UNC5C: variants seen among roughly 807,000 people sequenced by gnomAD.
The protein encoded by UNC5C is netrin receptor UNC5C.
A neutral mutation model predicts 99.8 loss-of-function variants in UNC5C; 47 were observed. The observed-to-expected ratio is 0.47, with a 90% CI of 0.37 to 0.60. The LOEUF (loss-of-function observed/expected upper bound fraction) is 0.60, where lower values mean the gene tolerates loss of function less well. Among genes scored for constraint, UNC5C ranks in the 20% least tolerant of loss-of-function variants. The pLI, the probability that UNC5C is intolerant of heterozygous loss-of-function variation, is 0.00. For synonymous variants in UNC5C, 487 were observed against 452.2 expected (o/e 1.08, Z -0.98); for missense variants, 1,062 against 1,165.9 (o/e 0.91, Z 1.30).
intron 1 of UNC5C, among the ~76,000 whole-genome samples, chr4:95,529,923 C>T (rs963974951): frequency 6.6e-6 from 1 of 151,982 alleles, no homozygotes. Flanking sequence ...TTTTACACTC[C>T]TTTTTTAATC....
chr4:95,504,131 C>T (rs1721848947), intron 1 of UNC5C, among the ~76,000 whole-genome samples: 1 of 152,094 alleles, frequency 6.6e-6, no homozygotes, highest in African/African-American at 2.4e-5. Context: ...TTCTTGAAGT[C>T]CCACCGACAT....
At chr4:95,394,279 C>T (rs1463687387) in intron 1 of UNC5C, among the ~76,000 whole-genome samples, 2 of 151,116 alleles carry the variant, frequency 1.3e-5, no homozygotes, top group African/African-American at 4.9e-5. Flanking sequence ...ACCCTCCAAT[C>T]CCACTAACGC....
At chr4:95,333,055 A>C (rs1185275526) in intron 2 of UNC5C, among the ~76,000 whole-genome samples, 1 of 152,204 alleles carries the variant, frequency 6.6e-6, no homozygotes, top group Non-Finnish European at 1.5e-5. Context: ...GGCAATCATT[A>C]AAAAGTCAGG....
intron 12 of UNC5C, among the ~76,000 whole-genome samples, chr4:95,190,484 T>G (rs551310671): frequency 6.6e-6 from 1 of 151,240 alleles, no homozygotes; most frequent in Non-Finnish European, 1.5e-5. Context: ...GAACTTAAAG[T>G]AGAATAAAAA....
At chr4:95,486,748 A>T (rs1412435309) in intron 1 of UNC5C, among the ~76,000 whole-genome samples, 1 of 151,694 alleles carries the variant, frequency 6.6e-6, no homozygotes, top group Non-Finnish European at 1.5e-5. Context: ...TTCTCCACCA[A>T]GACCCTGGCA....
At chr4:95,340,158 C>T (rs1000265736) in intron 1 of UNC5C, among the ~76,000 whole-genome samples, 14 of 152,032 alleles carry the variant, frequency 9.2e-5, no homozygotes, top group African/African-American at 3.1e-4. Flanking sequence ...ATGCTATGAA[C>T]ATCAATCTAG....
chr4:95,253,482 G>C (rs1739817659), intron 4 of UNC5C, among the ~76,000 whole-genome samples: 2 of 152,120 alleles, frequency 1.3e-5, no homozygotes, highest in African/African-American at 2.4e-5. Flanking sequence ...TGTTGGAGCA[G>C]TGGTTCTGAC....
chr4:95,308,774 A>C (rs2149407100), intron 2 of UNC5C, among the ~76,000 whole-genome samples: 1 of 150,326 alleles, frequency 6.7e-6, no homozygotes, highest in East Asian at 1.9e-4. Flanking sequence ...AAAAAAAAAA[A>C]AAAAAAAAAG....
chr4:95,371,267 A>G (rs1744740008), intron 1 of UNC5C, among the ~76,000 whole-genome samples: 1 of 152,200 alleles, frequency 6.6e-6, no homozygotes, highest in African/African-American at 2.4e-5. Context: ...AAAAACGGAC[A>G]TGAAATAAAA....
chr4:95,193,953 C>A (rs1262367662), intron 12 of UNC5C, among the ~76,000 whole-genome samples: 1 of 151,606 alleles, frequency 6.6e-6, no homozygotes, highest in Non-Finnish European at 1.5e-5. Context: ...GCTCTGCTCT[C>A]CCCCTGAGTT....
At chr4:95,202,488 T>G (rs1227799503) in intron 12 of UNC5C, among the ~76,000 whole-genome samples, 1 of 152,232 alleles carries the variant, frequency 6.6e-6, no homozygotes, top group Non-Finnish European at 1.5e-5. Flanking sequence ...TTCTAAATTT[T>G]TCATTAAAAG....
chr4:95,254,312 G>A (rs1474867498), intron 4 of UNC5C, among the ~76,000 whole-genome samples: 2 of 152,120 alleles, frequency 1.3e-5, no homozygotes, highest in Non-Finnish European at 2.9e-5. Context: ...ATCCTGCAAT[G>A]ACCTTATCCT....
At chr4:95,260,996 G>A (rs1221610809) in intron 4 of UNC5C, among the ~76,000 whole-genome samples, 1 of 152,088 alleles carries the variant, frequency 6.6e-6, no homozygotes, top group African/African-American at 2.4e-5. Context: ...GCTTGCACAG[G>A]TTTATAAGCT....
At chr4:95,344,816 G>C (rs375663300) in intron 1 of UNC5C, among the ~76,000 whole-genome samples, 140 of 151,956 alleles carry the variant, frequency 9.2e-4, no homozygotes, top group African/African-American at 2.9e-3. Flanking sequence ...CAAGCCTCAT[G>C]ATAACCTCAA....
At chr4:95,395,439 T>C (rs1395814875) in intron 1 of UNC5C, among the ~76,000 whole-genome samples, 2 of 152,214 alleles carry the variant, frequency 1.3e-5, no homozygotes, top group Non-Finnish European at 2.9e-5. Flanking sequence ...TCCCTTTAAA[T>C]AGTGCTTGAG....
chr4:95,495,143 A>C (rs1721596865), intron 1 of UNC5C, among the ~76,000 whole-genome samples: 1 of 151,564 alleles, frequency 6.6e-6, no homozygotes, highest in African/African-American at 2.4e-5. Context: ...CTCATTTCAA[A>C]GGGCAAATTA....
At chr4:95,444,182 A>G (rs547995490) in intron 1 of UNC5C, among the ~76,000 whole-genome samples, 1 of 152,344 alleles carries the variant, frequency 6.6e-6, no homozygotes, top group African/African-American at 2.4e-5. Flanking sequence ...TGAAAACTGC[A>G]CTGGCAGATA....
rs751272161 is a variant in UNC5C, at chr4:95,185,154, C to T, written c.2179G>A (p.Glu727Lys). The change falls in exon 13 of 16, where the codon GAA (glutamate) becomes AAA (lysine). Residue 727 changes from glutamate to lysine, a missense_variant. Glu to Lys is a moderately conservative substitution (Grantham distance 56). Around this residue, in one of 3 missense-constraint regions of UNC5C, gnomAD observed 810 missense variants for 854.5 expected, o/e 0.95. Coordinates refer to ENST00000453304, the MANE Select transcript of UNC5C (RefSeq NM_003728.4). ...TTAAAATGAAGAGCCTTAGGTTCTT[C>T]TAGGAGCTGTCCTCCCATCTGTCTC... ...LERQMGGQLL[E>K]EPKALHFKGS... The T allele has an allele frequency of 3.7e-6, 6 of 1,613,734 alleles. No homozygotes were observed. The South Asian group carries it at 6.6e-5, about 18-fold the overall frequency.
intron 10 of UNC5C, among the ~76,000 whole-genome samples, chr4:95,214,976 G>A (rs1306961303): frequency 6.6e-6 from 1 of 152,076 alleles, no homozygotes; most frequent in Non-Finnish European, 1.5e-5. Context: ...CAAATTTAAG[G>A]CATGAATAAT....
Sources: gnomAD v4.1 joint callset for allele counts (sites outside exome capture counted in the v4.1 genomes callset) on GRCh38, gnomAD v4.1.1 for gene constraint, gnomAD v4.1.1 regional missense constraint, MANE v1.5 for transcripts, NCBI Gene and HGNC (gene_info 2026-07-23, HGNC 2026-07-21) for gene names.